The following CDH17 variants were observed in gnomAD, a reference collection of about 807,000 sequenced individuals.
CDH17 encodes cadherin-17.
Under a neutral mutation model 86.3 loss-of-function variants are expected in CDH17, and 67 were observed. The ratio of observed to expected loss-of-function variants is 0.78; its 90% CI spans 0.64 to 0.95. The LOEUF is 0.95. CDH17 is among the 40% of genes least tolerant of loss of function. CDH17 has a pLI of 0.00. For synonymous variants in CDH17, 367 were observed against 366.4 expected (o/e 1.00, Z -0.02); for missense variants, 993 against 1,017.6 (o/e 0.98, Z 0.33).
rs149347157 is a variant in CDH17, at chr8:94,165,868, C to T, written c.1175G>A (p.Gly392Glu). Residue 392 changes from glycine to glutamate, a missense_variant, in exon 10 of 18, where the codon GGA becomes GAA. Gly to Glu is a moderately conservative substitution (Grantham distance 98, BLOSUM62 -2). Transcript: ENST00000027335. ...AGCATAGGTTTGGATTAGGAAGAGT[C>T]CATCCATGGGAAGTTTGGGAGTTTG... The part of the protein sequence containing the change: ...VEQTPKLPMD[G>E]LFLIQTYAGM... 6.2e-7 allele frequency: 1 copy of T among 1,613,442 alleles called. No homozygotes were observed. Among genetic ancestry groups the T allele is most frequent in the African/African-American group, 1.3e-5 (1 of 74,902 alleles).
upstream of CDH17, among the ~76,000 whole-genome samples, chr8:94,213,265 C>G (rs926475506): frequency 9.9e-5 from 15 of 152,238 alleles, no homozygotes; most frequent in African/African-American, 3.6e-4. Flanking sequence ...AGCCACCATG[C>G]CTGGCTGGCA....
chr8:94,194,587 A>G (rs768032210), intron 2 of CDH17, 48 bp downstream of exon 2: 1 of 1,262,376 alleles, frequency 7.9e-7, no homozygotes, highest in Admixed American at 1.8e-5. Context: ...GAAAGATAGC[A>G]GAAAATATTC....
intron 1 of CDH17, among the ~76,000 whole-genome samples, chr8:94,196,024 T>G (rs1341853588): frequency 6.6e-6 from 1 of 151,972 alleles, no homozygotes; most frequent in Non-Finnish European, 1.5e-5. Context: ...CCTCCCAAAG[T>G]GCTGGGATTA....
At chr8:94,135,526 CTTTTA>C (rs1812506691) in intron 15 of CDH17, among the ~76,000 whole-genome samples, 2 of 152,104 alleles carry the variant, frequency 1.3e-5, no homozygotes, top group South Asian at 4.1e-4. Context: ...TTCCTCCATC[CTTTTA>C]TTTTGAGTCT....
intron 4 of CDH17, among the ~76,000 whole-genome samples, chr8:94,177,375 C>T (rs1001664907): frequency 2.0e-5 from 3 of 152,092 alleles, no homozygotes; most frequent in African/African-American, 4.8e-5. Context: ...AGTGGGGTTA[C>T]GTTGGTTAAA....
intron 3 of CDH17, among the ~76,000 whole-genome samples, chr8:94,187,633 A>C (rs187839978): frequency 6.6e-6 from 1 of 151,576 alleles, no homozygotes; most frequent in East Asian, 2.0e-4. Flanking sequence ...TTTTGAGAAA[A>C]ACTCAAGATC....
chr8:94,152,190 C>G, intron 12 of CDH17, 78 bp from the exon 13 acceptor site: 3 of 1,480,874 alleles, frequency 2.0e-6, no homozygotes, highest in Non-Finnish European at 2.8e-6. Flanking sequence ...CCTTCTTAAA[C>G]TCTCATATAT....
intron 7 of CDH17, among the ~76,000 whole-genome samples, chr8:94,172,721 T>C (rs1813293288): frequency 6.6e-6 from 1 of 152,178 alleles, no homozygotes; most frequent in Admixed American, 6.5e-5. Context: ...AGGAATTTCC[T>C]GGGCTTCCAG....
chr8:94,185,257 A>G (rs927148555), intron 3 of CDH17, among the ~76,000 whole-genome samples: 12 of 136,316 alleles, frequency 8.8e-5, no homozygotes, highest in African/African-American at 3.2e-4. Flanking sequence ...TGTCATCCCA[A>G]CCCCACACCC....
intron 1 of CDH17, among the ~76,000 whole-genome samples, chr8:94,196,647 G>A (rs1379035391): frequency 2.0e-5 from 3 of 152,186 alleles, no homozygotes; most frequent in East Asian, 1.9e-4. Flanking sequence ...GTAAGGGTAA[G>A]AGAGTCCTCA....
intron 15 of CDH17, among the ~76,000 whole-genome samples, chr8:94,138,748 T>C (rs1325335820): frequency 6.6e-6 from 1 of 152,198 alleles, no homozygotes; most frequent in Non-Finnish European, 1.5e-5. Flanking sequence ...AATCTCATAA[T>C]TCATGTGCTA....
intron 3 of CDH17, among the ~76,000 whole-genome samples, chr8:94,187,056 A>G (rs1813595261): frequency 1.3e-5 from 2 of 152,342 alleles, no homozygotes; most frequent in African/African-American, 2.4e-5. Context: ...TTAGGAGTCA[A>G]TGAAACCTCT....
chr8:94,199,756 C>T (rs1426099327), intron 1 of CDH17, among the ~76,000 whole-genome samples: 2 of 152,200 alleles, frequency 1.3e-5, no homozygotes, highest in Admixed American at 6.5e-5. Flanking sequence ...CCACACCATG[C>T]GGTTGTTAGG....
At chr8:94,140,916 T>C (rs1812623956) in intron 15 of CDH17, among the ~76,000 whole-genome samples, 1 of 152,170 alleles carries the variant, frequency 6.6e-6, no homozygotes, top group Non-Finnish European at 1.5e-5. Context: ...CAGATAGCTT[T>C]ACTGGCAAAT....
intron 10 of CDH17, among the ~76,000 whole-genome samples, chr8:94,163,987 T>C (rs761401141): frequency 2.6e-5 from 4 of 152,244 alleles, no homozygotes; most frequent in Non-Finnish European, 5.9e-5. Context: ...TTTTCTGTAG[T>C]GCACAGTTGA....
intron 1 of CDH17, among the ~76,000 whole-genome samples, chr8:94,203,465 C>G (rs1187938382): frequency 6.6e-6 from 1 of 152,128 alleles, no homozygotes; most frequent in Non-Finnish European, 1.5e-5. Flanking sequence ...TTCCTCCTCA[C>G]TGTATATTGC....
At chr8:94,213,129 A>C (rs903473225), upstream of CDH17, among the ~76,000 whole-genome samples, 2 of 152,188 alleles carry the variant, frequency 1.3e-5, no homozygotes, top group Admixed American at 1.3e-4. Flanking sequence ...GGCAAGTGCC[A>C]CCACACCAGC....
At chr8:94,146,878 A>G (rs1812754364) in intron 14 of CDH17, among the ~76,000 whole-genome samples, 1 of 151,776 alleles carries the variant, frequency 6.6e-6, no homozygotes, top group Non-Finnish European at 1.5e-5. Flanking sequence ...TTGTTTCTAC[A>G]ACTTCTGACT....
intron 1 of CDH17, chr8:94,197,476 A>G (rs1381394170): frequency 6.6e-6 from 1 of 152,220 alleles, no homozygotes; most frequent in Non-Finnish European, 1.5e-5. Context: ...TGGATATACT[A>G]CTTCATCTTT....
Sources: gnomAD v4.1 joint callset for allele counts (sites outside exome capture counted in the v4.1 genomes callset) on GRCh38, gnomAD v4.1.1 for gene constraint, MANE v1.5 for transcripts, NCBI Gene and HGNC (gene_info 2026-07-23, HGNC 2026-07-21) for gene names.